The following FER variants were observed in gnomAD, a reference collection of about 807,000 sequenced individuals.
FER encodes tyrosine-protein kinase Fer.
In FER, 63 loss-of-function variants were observed where a neutral mutation model predicts 111.0. The ratio of observed to expected loss-of-function variants is 0.57; its 90% CI spans 0.46 to 0.70. The LOEUF (loss-of-function observed/expected upper bound fraction) is 0.70, where lower values mean the gene tolerates loss of function less well. Ranked by LOEUF, FER falls within the 30% of genes least tolerant of loss-of-function variation. The pLI, the probability that FER is intolerant of heterozygous loss-of-function variation, is 0.00. For missense variants in FER, 914 were observed against 954.0 expected (o/e 0.96, Z 0.55); for synonymous variants, 327 against 313.9 (o/e 1.04, Z -0.44).
intron 8 of FER, among the ~76,000 whole-genome samples, chr5:108,880,463 A>G (rs2150277410): frequency 6.6e-6 from 1 of 152,288 alleles, no homozygotes; most frequent in South Asian, 2.1e-4. Flanking sequence ...GAGATTATAT[A>G]TAAGGCACAG....
chr5:108,938,060 A>C (rs1247434468), intron 10 of FER, among the ~76,000 whole-genome samples: 1 of 150,360 alleles, frequency 6.7e-6, no homozygotes. Context: ...ACACACACAC[A>C]CACACACACA....
intron 17 of FER, among the ~76,000 whole-genome samples, chr5:109,105,819 A>G (rs751371741): frequency 6.6e-6 from 1 of 152,182 alleles, no homozygotes; most frequent in African/African-American, 2.4e-5. Context: ...TTTAGATGCA[A>G]TGTCTGAGAA....
rs78395078 is a variant in FER, at chr5:108,872,738, T to G, written c.923+526T>G. ...AGGAATTTTGAGAAATCACAATGTG[T>G]TTTTAGTTCTTTTCAAACATTAAAA... On this transcript the variant is annotated intron_variant, in intron 8 of 19. Transcript: ENST00000281092. Among the ~76,000 whole-genome samples the G allele has an allele frequency of 6.1e-3, 932 of 152,308 alleles. 16 individuals are homozygous for G. The highest frequency in any genetic ancestry group is 0.022 in the African/African-American group (898 of 41,548).
intron 16 of FER, among the ~76,000 whole-genome samples, chr5:109,097,621 C>A (rs987071418): frequency 2.0e-4 from 31 of 151,834 alleles, no homozygotes; most frequent in African/African-American, 7.0e-4. Context: ...TCTAAAATAA[C>A]TTTACAGTGA....
chr5:109,072,037 A>T (rs1775823710), intron 16 of FER, among the ~76,000 whole-genome samples: 1 of 151,826 alleles, frequency 6.6e-6, no homozygotes, highest in African/African-American at 2.4e-5. Flanking sequence ...TATAAATCAG[A>T]AAGATATTTT....
intron 17 of FER, among the ~76,000 whole-genome samples, chr5:109,156,321 G>A (rs1186686149): frequency 1.3e-5 from 2 of 151,878 alleles, no homozygotes; most frequent in Admixed American, 6.6e-5. Flanking sequence ...TGTCAGAGTG[G>A]AAATACAGTG....
At chr5:109,092,284 C>CAAAAA (rs70999914) in intron 16 of FER, among the ~76,000 whole-genome samples, 5 of 40,426 alleles carry the variant, frequency 1.2e-4, no homozygotes, top group East Asian at 1.2e-3. Context: ...CTTATGATGG[C>CAAAAA]AAAAAAAAAA....
At chr5:108,887,493 T>C (rs1344725291) in intron 9 of FER, among the ~76,000 whole-genome samples, 1 of 151,610 alleles carries the variant, frequency 6.6e-6, no homozygotes, top group Non-Finnish European at 1.5e-5. Flanking sequence ...CAGGTCTTAG[T>C]TGAAATGTAG....
At chr5:108,905,629 A>C (rs118082787) in intron 10 of FER, among the ~76,000 whole-genome samples, 1 of 152,286 alleles carries the variant, frequency 6.6e-6, no homozygotes, top group African/African-American at 2.4e-5. Flanking sequence ...AAGCTGTTAC[A>C]GGATTTGGTC....
chr5:108,785,735 A>G (rs1056603491), intron 2 of FER, among the ~76,000 whole-genome samples: 9 of 152,102 alleles, frequency 5.9e-5, no homozygotes, highest in Non-Finnish European at 1.3e-4. Context: ...AGGGACATCT[A>G]TTCTATTCTG....
intron 3 of FER, among the ~76,000 whole-genome samples, chr5:108,815,452 G>A (rs1411575413): frequency 1.3e-5 from 2 of 152,026 alleles, no homozygotes; most frequent in Non-Finnish European, 2.9e-5. Context: ...ATTCTGATAG[G>A]TAAGAAATGA....
intron 13 of FER, among the ~76,000 whole-genome samples, chr5:108,982,653 A>G (rs1762132331): frequency 6.6e-6 from 1 of 152,112 alleles, no homozygotes; most frequent in Admixed American, 6.6e-5. Context: ...GATTTGAAAC[A>G]GTAAATAGTA....
Position 109,186,286 on chromosome 5 carries a change from A to G in FER, c.2290A>G (p.Met764Val). Residue 764 changes from methionine (M) to valine (V), a missense_variant, in exon 19 of 20, where the codon ATG becomes GTG. This residue lies in a region of FER where 134 missense variants were observed against 149.4 expected (regional missense o/e 0.90). Transcript: ENST00000281092. ...FSLGVCPYPG[M>V]TNQQAREQVE... ...CTTAGGGGTTTGTCCGTACCCTGGAATGACAAATCAGCAAGCAAGAGAGCA... is the reference window on the plus strand; with the variant it reads ...CTTAGGGGTTTGTCCGTACCCTGGAGTGACAAATCAGCAAGCAAGAGAGCA... 6.2e-7 allele frequency: 1 copy of G among 1,614,110 alleles called. No individual in the cohort carries two copies. The highest frequency in any genetic ancestry group is 8.5e-7 in the Non-Finnish European group (1 of 1,179,998).
chr5:108,899,202 G>T (rs979997812), intron 10 of FER, among the ~76,000 whole-genome samples: 1 of 151,428 alleles, frequency 6.6e-6, no homozygotes, highest in Non-Finnish European at 1.5e-5. Flanking sequence ...TTAAACTATT[G>T]TGGTTGTTAG....
chr5:109,181,589 A>G (rs1035910947), intron 18 of FER, among the ~76,000 whole-genome samples: 1 of 152,230 alleles, frequency 6.6e-6, no homozygotes, highest in Non-Finnish European at 1.5e-5. Flanking sequence ...CATATGAGCC[A>G]TGGATTGGTG....
intron 9 of FER, 91 bp downstream of exon 9, chr5:108,883,609 T>A: frequency 8.8e-7 from 1 of 1,131,060 alleles, no homozygotes; most frequent in Non-Finnish European, 1.2e-6. Flanking sequence ...ACCTAACATT[T>A]CTAGAAACAG....
chr5:108,879,725 T>TATATA (rs1298716348), intron 8 of FER, among the ~76,000 whole-genome samples: 2 of 141,450 alleles, frequency 1.4e-5, no homozygotes, highest in African/African-American at 2.7e-5. Context: ...TATATATATA[T>TATATA]TTGAGGCAAA....
At chr5:108,850,170 G>C (rs1302456815) in intron 5 of FER, among the ~76,000 whole-genome samples, 3 of 151,306 alleles carry the variant, frequency 2.0e-5, no homozygotes, top group African/African-American at 7.3e-5. Context: ...ACTCTAGCCT[G>C]GTGACAGAGC....
At chr5:109,111,325 A>C (rs1343414544) in intron 17 of FER, among the ~76,000 whole-genome samples, 1 of 152,152 alleles carries the variant, frequency 6.6e-6, no homozygotes, top group Non-Finnish European at 1.5e-5. Flanking sequence ...AATCAATGTT[A>C]TCTATAGAAC....
Sources: gnomAD v4.1 joint callset for allele counts (sites outside exome capture counted in the v4.1 genomes callset) on GRCh38, gnomAD v4.1.1 for gene constraint, gnomAD v4.1.1 regional missense constraint, MANE v1.5 for transcripts, NCBI Gene and HGNC (gene_info 2026-07-23, HGNC 2026-07-21) for gene names.